The following TBL1X variants were observed in gnomAD, a reference collection of about 807,000 sequenced individuals.
The protein encoded by TBL1X is F-box-like/WD repeat-containing protein TBL1X.
In TBL1X, 10 loss-of-function variants were observed where a neutral mutation model predicts 50.7. That is an observed-to-expected ratio of 0.20 (90% CI 0.12 to 0.33). The LOEUF is 0.33. Ranked by LOEUF, TBL1X falls within the 10% of genes least tolerant of loss-of-function variation. The pLI is 1.00. For missense variants in TBL1X, 340 were observed against 504.4 expected, an observed-to-expected ratio of 0.67 and a Z score of 3.12; for synonymous variants, 190 against 214.7, an observed-to-expected ratio of 0.88 and a Z score of 1.01.
intron 13 of TBL1X, among the ~76,000 whole-genome samples, chrX:9,706,776 CCT>C (rs1223608255): frequency 9.0e-6 from 1 of 111,451 alleles, no homozygotes; most frequent in Non-Finnish European, 1.9e-5. Context: ...CCAAAAATTC[CCT>C]GTGCCTCTGT....
chrX:9,518,098 CAAAAAA>C (rs58522206), intron 2 of TBL1X, among the ~76,000 whole-genome samples: 1 of 68,254 alleles, frequency 1.5e-5, no homozygotes. Flanking sequence ...GATCCTCTCT[CAAAAAA>C]AAAAAAAAAA....
At chrX:9,703,867 G>T (rs2083190625) in intron 12 of TBL1X, among the ~76,000 whole-genome samples, 1 of 112,365 alleles carries the variant, frequency 8.9e-6, no homozygotes, top group Admixed American at 9.4e-5. Flanking sequence ...GGACTTCAGT[G>T]CCCTTGCTGT....
chrX:9,650,721 T>G (rs5979143), intron 3 of TBL1X, among the ~76,000 whole-genome samples: 3,037 of 111,756 alleles, frequency 0.027, 118 homozygotes, highest in African/African-American at 0.095. Context: ...TTAAGAGGTC[T>G]TACATTGTAA....
intron 3 of TBL1X, among the ~76,000 whole-genome samples, chrX:9,649,673 A>G (rs921307507): frequency 8.9e-6 from 1 of 112,016 alleles, no homozygotes; most frequent in African/African-American, 3.3e-5. Flanking sequence ...CCATAGTTCT[A>G]TATAAACACA....
At chrX:9,550,390 A>G (rs1013257729) in intron 2 of TBL1X, among the ~76,000 whole-genome samples, 1 of 112,509 alleles carries the variant, frequency 8.9e-6, no homozygotes, top group African/African-American at 3.2e-5. Flanking sequence ...GTAACCTACA[A>G]AAATCTCAAT....
chrX:9,609,608 T>C (rs776398071), intron 2 of TBL1X, among the ~76,000 whole-genome samples: 2 of 111,143 alleles, frequency 1.8e-5, no homozygotes, highest in African/African-American at 6.5e-5. Flanking sequence ...CCATTTTCCT[T>C]TAGGATAAAT....
chrX:9,483,648 G>A (rs781083813), intron 1 of TBL1X, among the ~76,000 whole-genome samples: 202 of 110,619 alleles, frequency 1.8e-3, no homozygotes, highest in African/African-American at 5.7e-3. Context: ...TCCACCCTCC[G>A]ACAAGCCCTG....
chrX:9,537,300 G>A (rs1415657492), intron 2 of TBL1X, among the ~76,000 whole-genome samples: 1 of 104,543 alleles, frequency 9.6e-6, no homozygotes, highest in Non-Finnish European at 2.0e-5. Flanking sequence ...ACTGCCCCCC[G>A]CCCCCCAATT....
At chrX:9,665,312 T>G (rs1436516811) in intron 5 of TBL1X, among the ~76,000 whole-genome samples, 1 of 103,231 alleles carries the variant, frequency 9.7e-6, no homozygotes, top group Non-Finnish European at 2.0e-5. Flanking sequence ...GGTGAGTAAG[T>G]TAGTTAACCC....
chrX:9,667,017 C>T (rs1353924088), intron 5 of TBL1X, among the ~76,000 whole-genome samples: 2 of 112,105 alleles, frequency 1.8e-5, no homozygotes, highest in African/African-American at 6.5e-5. Context: ...TAAGACAAAA[C>T]TGCAAGTTTA....
At chrX:9,643,529 T>A (rs1252587087) in intron 3 of TBL1X, among the ~76,000 whole-genome samples, 2 of 111,400 alleles carry the variant, frequency 1.8e-5, no homozygotes, top group African/African-American at 6.5e-5. Flanking sequence ...TAAAAACGTC[T>A]TTGTCATTCA....
intron 3 of TBL1X, chrX:9,645,414 T>A (rs1344551972): frequency 8.9e-6 from 1 of 112,242 alleles, no homozygotes; most frequent in Non-Finnish European, 1.9e-5. Flanking sequence ...GTAGAAACTA[T>A]ACAACGTGTA....
intron 1 of TBL1X, among the ~76,000 whole-genome samples, chrX:9,500,287 AAAAAAAAAAGCAAG>A (rs2081993894): frequency 1.4e-5 from 1 of 73,494 alleles, no homozygotes; most frequent in Admixed American, 1.8e-4. Context: ...AAAAAAAAAA[AAAAAAAAAAGCAAG>A]AAAAAAAAAG....
chrX:9,542,835 G>A, intron 2 of TBL1X, among the ~76,000 whole-genome samples: 1 of 112,178 alleles, frequency 8.9e-6, no homozygotes, highest in Non-Finnish European at 1.9e-5. Flanking sequence ...CCTGGACGCT[G>A]CAGTGTATGG....
intron 2 of TBL1X, among the ~76,000 whole-genome samples, chrX:9,537,514 C>T (rs1047430839): frequency 8.9e-6 from 1 of 111,908 alleles, no homozygotes; most frequent in Non-Finnish European, 1.9e-5. Context: ...CAGCAACCAA[C>T]GTTCTACTTT....
chrX:9,667,722 A>G (rs1441372743), intron 5 of TBL1X, among the ~76,000 whole-genome samples: 1 of 111,865 alleles, frequency 8.9e-6, no homozygotes, highest in African/African-American at 3.2e-5. Context: ...AGGGGAAAGG[A>G]AAGAGATTCA....
intron 2 of TBL1X, among the ~76,000 whole-genome samples, chrX:9,576,506 A>C (rs1052495914): frequency 9.9e-5 from 11 of 111,395 alleles, no homozygotes; most frequent in Non-Finnish European, 2.1e-4. Flanking sequence ...CCATAATTTA[A>C]AGCCAACTTC....
chrX:9,565,718 C>T (rs933117818), intron 2 of TBL1X, among the ~76,000 whole-genome samples: 1 of 111,342 alleles, frequency 9.0e-6, no homozygotes, highest in East Asian at 2.8e-4. Context: ...GTGGTCCCAG[C>T]CACTGGAGAG....
At chrX:9,625,720 C>T (rs1181570213) in intron 2 of TBL1X, among the ~76,000 whole-genome samples, 3 of 112,007 alleles carry the variant, frequency 2.7e-5, no homozygotes, top group Non-Finnish European at 3.8e-5. Context: ...AGGTGGATCA[C>T]GAGGTCAGGA....
Sources: gnomAD v4.1 joint callset for allele counts (sites outside exome capture counted in the v4.1 genomes callset) on GRCh38, gnomAD v4.1.1 for gene constraint, MANE v1.5 for transcripts, NCBI Gene and HGNC (gene_info 2026-07-23, HGNC 2026-07-21) for gene names.